Variants in CHIC2 observed in about 807,000 individuals in gnomAD.
The protein encoded by CHIC2 is cysteine rich hydrophobic domain 2, also known as cysteine-rich hydrophobic domain-containing protein 2.
In CHIC2, 14 loss-of-function variants were observed where a neutral mutation model predicts 25.9. That is an observed-to-expected ratio of 0.54 (90% CI 0.36 to 0.85). The LOEUF (loss-of-function observed/expected upper bound fraction) is 0.85, where lower values mean the gene tolerates loss of function less well. Ranked by LOEUF, CHIC2 falls within the 40% of genes least tolerant of loss-of-function variation. The pLI is 0.01. For synonymous variants in CHIC2, 70 were observed against 72.0 expected (o/e 0.97, Z 0.14); for missense variants, 146 against 202.0 (o/e 0.72, Z 1.68).
chr4:54,089,402 T>C, the CHIC2 span, among the ~76,000 whole-genome samples: 1 of 151,286 alleles, frequency 6.6e-6, no homozygotes, highest in South Asian at 2.1e-4. Context: ...CATATATATA[T>C]ATATATATAT....
chr4:54,012,246 T>C (rs1409499090), intron 5 of CHIC2, among the ~76,000 whole-genome samples: 1 of 152,026 alleles, frequency 6.6e-6, no homozygotes, highest in African/African-American at 2.4e-5. Flanking sequence ...TACACCCAGC[T>C]TTTTCCTGGC....
At chr4:54,076,382 C>T in the CHIC2 span, among the ~76,000 whole-genome samples, 1 of 152,218 alleles carries the variant, frequency 6.6e-6, no homozygotes, top group African/African-American at 2.4e-5. Context: ...AGGTCTAAGA[C>T]TTCTGCTGTA....
At chr4:54,091,744 A>ACCT in the CHIC2 span, among the ~76,000 whole-genome samples, 4 of 152,188 alleles carry the variant, frequency 2.6e-5, no homozygotes, top group South Asian at 6.2e-4. Context: ...ATTCTAATTC[A>ACCT]CTTTTCACCT....
chr4:54,078,839 T>A, the CHIC2 span, among the ~76,000 whole-genome samples: 3 of 152,260 alleles, frequency 2.0e-5, no homozygotes, highest in South Asian at 2.1e-4. Context: ...TTAACTATTA[T>A]CTTTATGTTT....
the CHIC2 span, among the ~76,000 whole-genome samples, chr4:54,084,950 G>T: frequency 3.7e-5 from 3 of 81,586 alleles, no homozygotes; most frequent in Non-Finnish European, 7.6e-5. Flanking sequence ...ACACAGCCTT[G>T]CTCTGTCTCA....
chr4:54,073,621 G>C, the CHIC2 span, among the ~76,000 whole-genome samples: 4 of 152,066 alleles, frequency 2.6e-5, no homozygotes, highest in Non-Finnish European at 5.9e-5. Flanking sequence ...CTAACATCTT[G>C]ACTGCAACCC....
chr4:54,029,740 G>GAGTA (rs1716165760), intron 3 of CHIC2, among the ~76,000 whole-genome samples: 1 of 152,156 alleles, frequency 6.6e-6, no homozygotes. Context: ...CCCAAACACA[G>GAGTA]AGTAAATCAG....
chr4:54,030,245 C>A (rs941680608), intron 3 of CHIC2, among the ~76,000 whole-genome samples: 10 of 152,114 alleles, frequency 6.6e-5, no homozygotes, highest in African/African-American at 2.4e-4. Context: ...TGGCCAGGTG[C>A]GGTGGCTCAT....
chr4:54,065,283 G>GA (rs1211006674), upstream of CHIC2: 44 of 972,638 alleles, frequency 4.5e-5, no homozygotes, highest in Middle Eastern at 5.2e-4. Flanking sequence ...GTCATGCTAT[G>GA]AAAAAAAACT....
chr4:54,081,577 A>G, the CHIC2 span, among the ~76,000 whole-genome samples: 1 of 152,214 alleles, frequency 6.6e-6, no homozygotes, highest in Non-Finnish European at 1.5e-5. Context: ...CTAGACATGT[A>G]TAAATAAGTA....
intron 1 of CHIC2, among the ~76,000 whole-genome samples, chr4:54,059,004 G>A (rs1430089993): frequency 3.3e-5 from 5 of 151,848 alleles, no homozygotes; most frequent in Non-Finnish European, 5.9e-5. Flanking sequence ...GAACTCTTTG[G>A]ACCAAATGTC....
At chr4:54,090,629 T>C in the CHIC2 span, among the ~76,000 whole-genome samples, 4 of 152,184 alleles carry the variant, frequency 2.6e-5, no homozygotes, top group African/African-American at 7.2e-5. Context: ...GTGCTAAGTA[T>C]GTGCAAGGCG....
chr4:54,042,301 T>C (rs1716602225), intron 3 of CHIC2, among the ~76,000 whole-genome samples: 1 of 152,222 alleles, frequency 6.6e-6, no homozygotes, highest in African/African-American at 2.4e-5. Context: ...ACTACAATGC[T>C]AAATGAAATG....
intron 3 of CHIC2, among the ~76,000 whole-genome samples, chr4:54,020,147 C>T (rs1715855429): frequency 6.6e-6 from 1 of 152,150 alleles, no homozygotes; most frequent in Non-Finnish European, 1.5e-5. Flanking sequence ...TCCAGATGGC[C>T]TGAAGCAACT....
At chr4:54,033,060 T>C (rs894648119) in intron 3 of CHIC2, among the ~76,000 whole-genome samples, 4 of 152,182 alleles carry the variant, frequency 2.6e-5, no homozygotes, top group African/African-American at 9.7e-5. Flanking sequence ...CTTTTCATCG[T>C]CCACCATGAT....
At chr4:54,042,857 C>A (rs762610215) in intron 3 of CHIC2, among the ~76,000 whole-genome samples, 14 of 152,158 alleles carry the variant, frequency 9.2e-5, no homozygotes, top group African/African-American at 4.8e-5. Context: ...TCCTTCCTAT[C>A]AATAGAATGT....
At chr4:54,076,653 T>G in the CHIC2 span, 1 of 152,232 alleles carries the variant, frequency 6.6e-6, no homozygotes, top group African/African-American at 2.4e-5. Context: ...AAATTTCAGA[T>G]GCATAGCCTT....
chr4:54,076,345 T>A, the CHIC2 span, among the ~76,000 whole-genome samples: 1 of 152,086 alleles, frequency 6.6e-6, no homozygotes, highest in Non-Finnish European at 1.5e-5. Context: ...TCAGCTCAGA[T>A]GGCCCCTAAA....
chr4:54,087,471 CAAG>C, the CHIC2 span: 1 of 821,644 alleles, frequency 1.2e-6, no homozygotes, highest in Non-Finnish European at 1.8e-6. Flanking sequence ...GAAATTGTGA[CAAG>C]AATAAAAGAA....
Sources: allele counts gnomAD v4.1 joint callset (sites outside exome capture counted in the v4.1 genomes callset), GRCh38; gene constraint gnomAD v4.1.1; transcripts MANE v1.5; gene names NCBI Gene and HGNC (gene_info 2026-07-23, HGNC 2026-07-21).